The following DNMT1 variants were observed in gnomAD, a reference collection of about 807,000 sequenced individuals.
DNMT1 encodes the protein DNA methyltransferase 1, also known as DNA (cytosine-5)-methyltransferase 1.
Under a neutral mutation model 205.3 loss-of-function variants are expected in DNMT1, and 24 were observed. That is an observed-to-expected ratio of 0.12 (90% confidence interval 0.08 to 0.16). The LOEUF (loss-of-function observed/expected upper bound fraction) is 0.16, where lower values mean the gene tolerates loss of function less well. Ranked by LOEUF, DNMT1 falls within the 10% of genes least tolerant of loss-of-function variation. DNMT1 has a pLI of 1.00. For missense variants in DNMT1, 1,293 were observed against 2,177.7 expected, an observed-to-expected ratio of 0.59 and a Z score of 8.09; for synonymous variants, 817 against 839.8, an observed-to-expected ratio of 0.97 and a Z score of 0.47.
chr19:10,194,150 C>T (rs1056295955), intron 1 of DNMT1, among the ~76,000 whole-genome samples: 11 of 152,230 alleles, frequency 7.2e-5, no homozygotes, highest in Non-Finnish European at 1.2e-4. Flanking sequence ...GCTTCCCGGG[C>T]CCTGCGCTGC....
In DNMT1 at chr19:10,146,959, C is replaced by T. The variant is rs761026703; in HGVS notation, c.2721-435G>A. Among the ~76,000 whole-genome samples, 8 of 152,116 alleles carry T rather than the reference C, an allele frequency of 5.3e-5. No individual in the cohort carries two copies. Among genetic ancestry groups the T allele is most frequent in the Admixed American group, 1.3e-4 (2 of 15,256 alleles). On this transcript the variant is annotated intron_variant, in intron 27 of 40. Transcript: ENST00000359526. The surrounding 1 kb of genome is among the most constrained non-coding windows in gnomAD (Gnocchi z 4.4). ...CCCTTAAAGGAGACTTGAAGATGGCCTTAAAAATAGAGATCAAGGCCCAGC... is the reference window on the plus strand; with the variant it reads ...CCCTTAAAGGAGACTTGAAGATGGCTTTAAAAATAGAGATCAAGGCCCAGC...
In DNMT1 at chr19:10,137,292, T is replaced by G. The variant is rs1568220103; in HGVS notation, c.4294-12A>C. The stretch of plus-strand genomic sequence containing the variant: ...AATGCACTCATGTCCTGAAAGAGTG[T>G]GGGGGGCCCAGCTGTCACCTCATGT... On this transcript the variant is annotated splice_polypyrimidine_tract_variant and intron_variant, in intron 36 of 40. Coordinates refer to ENST00000359526, the MANE Select transcript of DNMT1 (RefSeq NM_001130823.3). The surrounding 1 kb of genome is among the most constrained non-coding windows in gnomAD (Gnocchi z 6.4). The G allele has an allele frequency of 3.1e-6, 5 of 1,598,250 alleles. No individual in the cohort carries two copies. The highest frequency in any genetic ancestry group is 2.3e-5 in the South Asian group (2 of 88,568).
chr19:10,163,973 C>G (rs2038633625), intron 11 of DNMT1, among the ~76,000 whole-genome samples: 1 of 152,078 alleles, frequency 6.6e-6, no homozygotes, highest in Non-Finnish European at 1.5e-5. Flanking sequence ...CAAGCTCCTC[C>G]CCAGGTTCAG....
Position 10,155,061 on chromosome 19 carries a change from G to A in DNMT1, c.1493-5C>T, listed in dbSNP as rs749962431. ...TCAGAATGTATTCGGCAAATGCTGGGGTGAACAGAGGAGGTGTGGAAAAGG... is the reference window on the plus strand; with the variant it reads ...TCAGAATGTATTCGGCAAATGCTGGAGTGAACAGAGGAGGTGTGGAAAAGG... On this transcript the variant is annotated splice_region_variant and splice_polypyrimidine_tract_variant and intron_variant, in intron 19 of 40. Coordinates refer to ENST00000359526, the MANE Select transcript of DNMT1 (RefSeq NM_001130823.3). 26 of 1,613,926 alleles carry A rather than the reference G, an allele frequency of 1.6e-5. No individual in the cohort carries two copies. Among genetic ancestry groups the A allele is most frequent in the Admixed American group, 1.7e-5 (1 of 60,004 alleles).
rs963644813 is a variant in DNMT1 at position 10,141,705 on chromosome 19, G to A, written c.3309+323C>T. The A allele has an allele frequency of 3.7e-5, 14 of 375,920 alleles. No individual in the cohort carries two copies. The South Asian group carries it at 4.2e-4, about 11-fold the overall frequency. 23.3% of individuals were successfully genotyped at this position (375,920 alleles called of 1,614,324 possible). A position where few individuals can be genotyped will look rare whatever the true frequency, so the allele number is the denominator to read the frequency against. On this transcript the variant is annotated intron_variant, in intron 30 of 40. Transcript: ENST00000359526. ...TTCTCCAACTCATACTAAGACACCA[G>A]TCAGGCTGGTGGAAGCTGCCTCATG...
At position 10,149,638 on chromosome 19, in the gene DNMT1, C is replaced by G. The variant is rs1244845928; in HGVS notation, c.2401G>C (p.Asp801His). 1 of 1,613,788 alleles carries G rather than the reference C, an allele frequency of 6.2e-7. No homozygotes were observed. The highest frequency in any genetic ancestry group is 2.2e-5 in the East Asian group (1 of 44,872). Residue 801 changes from aspartate to histidine, a missense_variant, in exon 26 of 41, where the codon GAC (aspartate) becomes CAC (histidine). By Grantham distance (81) the Asp-to-His change is moderately conservative (BLOSUM62 -1). Transcript: ENST00000359526. ...YLARVTALWE[D>H]SSNGQMFHAH... ...TGAAACATCTGCCCGTTGCTGCTGT[C>G]CTCCCACAGCGCCGTGACCCTGGAA...
Position 10,151,217 on chromosome 19 carries a change from T to C in DNMT1, c.2265+181A>G, listed in dbSNP as rs776382821. ...GCCTTGTGGCCACACAAAAATGCCT[T>C]GCTGGTACTGAGCCATGGAACATGG... On this transcript the variant is annotated intron_variant, in intron 24 of 40. Coordinates refer to ENST00000359526, the MANE Select transcript of DNMT1 (RefSeq NM_001130823.3). The surrounding 1 kb of genome is among the most constrained non-coding windows in gnomAD (Gnocchi z 5.0). Among the ~76,000 whole-genome samples the C allele has an allele frequency of 1.3e-5, 2 of 152,180 alleles. No individual in the cohort carries two copies. Among genetic ancestry groups the C allele is most frequent in the Non-Finnish European group, 2.9e-5 (2 of 68,030 alleles).
At chr19:10,143,621 C>T in intron 29 of DNMT1, 145 bp downstream of exon 29, 1 of 909,674 alleles carries the variant, frequency 1.1e-6, no homozygotes, top group Non-Finnish European at 1.8e-6. Flanking sequence ...TTATCAGTGC[C>T]CACCGATAAT....
chr19:10,180,407 TG>T lies in DNMT1; in HGVS notation c.387del (p.Lys130AsnfsTer31). On this transcript the variant is annotated frameshift_variant, in exon 4 of 41. Transcript: ENST00000359526. LOFTEE classifies it high-confidence loss of function. ...RVGMADANSPPKPLSKPRTPR... is the reference protein window; with the variant it reads ...RVGMADANSPXKPLSKPRTPR... ...GGCGTGCGAGGTTTGGAAAGGGGTT[TG>T]GGGGGGCTGTTGGCATCTGCCATTC... The T allele has an allele frequency of 6.2e-7, 1 of 1,613,872 alleles. No individual in the cohort carries two copies. Among genetic ancestry groups the T allele is most frequent in the Non-Finnish European group, 8.5e-7 (1 of 1,179,982 alleles).
chr19:10,174,881 C>T (rs1391051986), intron 7 of DNMT1, among the ~76,000 whole-genome samples: 6 of 151,534 alleles, frequency 4.0e-5, no homozygotes, highest in African/African-American at 1.5e-4. Context: ...CATGGTGAAA[C>T]CCCATCCCTA....
rs978575291 is a variant in DNMT1, at chr19:10,177,349, G to C, written c.512C>G (p.Pro171Arg). 3.1e-6 allele frequency: 5 copies of C among 1,613,776 alleles called. No individual in the cohort carries two copies. The highest frequency in any genetic ancestry group is 3.4e-6 in the Non-Finnish European group (4 of 1,179,972). ...TGIRAEPSPS[P>R]RITRKSTRQT... ...CCTGGTGCTTTTCCTTGTAATCCTG[G>C]GGCTAGGTGAAGGTTCAGCTGTTTA... is the stretch of plus-strand genomic sequence containing the variant. The change falls in exon 6 of 41, where the codon CCC (proline) becomes CGC (arginine). Residue 171 changes from proline to arginine, a missense_variant. By Grantham distance (103) the Pro-to-Arg change is moderately radical. Around this residue, in one of 13 missense-constraint regions of DNMT1, gnomAD observed 394 missense variants for 451.6 expected, o/e 0.87. Transcript: ENST00000359526.
chr19:10,194,590 C>G (rs2039367572), intron 1 of DNMT1: 1 of 513,558 alleles, frequency 1.9e-6, no homozygotes. Context: ...TAGTTTCTAG[C>G]CACCAGGGAG....
At chr19:10,145,828 T>C (rs2038186898) in intron 28 of DNMT1, among the ~76,000 whole-genome samples, 2 of 152,058 alleles carry the variant, frequency 1.3e-5, no homozygotes, top group African/African-American at 4.8e-5. Context: ...TAAGTTCTTT[T>C]TTTTTCTTTT....
At chr19:10,193,315 G>A (rs1026656849) in intron 1 of DNMT1, among the ~76,000 whole-genome samples, 1 of 151,962 alleles carries the variant, frequency 6.6e-6, no homozygotes, top group African/African-American at 2.4e-5. Flanking sequence ...ATTGTGCCAG[G>A]GCACTCCAGC....
At chr19:10,169,439 C>G (rs958682314) in intron 9 of DNMT1, among the ~76,000 whole-genome samples, 3 of 150,822 alleles carry the variant, frequency 2.0e-5, no homozygotes, top group African/African-American at 7.3e-5. Context: ...CGCCTGCAGT[C>G]CCAGCTACTG....
At chr19:10,183,319 T>C (rs935344765) in intron 1 of DNMT1, among the ~76,000 whole-genome samples, 2 of 151,658 alleles carry the variant, frequency 1.3e-5, no homozygotes, top group African/African-American at 4.8e-5. Context: ...TTCTCCGTGT[T>C]GGTCAGGCTG....
intron 28 of DNMT1, 191 bp from the exon 29 acceptor site, chr19:10,144,178 G>A (rs2089655189): frequency 4.7e-6 from 3 of 644,274 alleles, no homozygotes; most frequent in East Asian, 2.9e-5. Context: ...GGGAGACCAA[G>A]GCAGGTGGAC....
intron 27 of DNMT1, among the ~76,000 whole-genome samples, chr19:10,148,300 TC>T (rs1359748350): frequency 1.3e-5 from 2 of 150,466 alleles, no homozygotes; most frequent in Admixed American, 6.6e-5. Flanking sequence ...ATCGAGACCA[TC>T]CTGGCTAACA....
At chr19:10,139,862 A>C in intron 33 of DNMT1, 45 bp from the exon 34 acceptor site, 1 of 1,559,194 alleles carries the variant, frequency 6.4e-7, no homozygotes, top group Non-Finnish European at 8.7e-7. Context: ...CCACAGACAG[A>C]GGGAAGAAAC....
Sources: gnomAD v4.1 joint callset for allele counts (sites outside exome capture counted in the v4.1 genomes callset) on GRCh38, gnomAD v4.1.1 for gene constraint, gnomAD v4.1.1 regional missense constraint, Gnocchi (gnomAD v3.1) non-coding constraint, MANE v1.5 for transcripts, NCBI Gene and HGNC (gene_info 2026-07-23, HGNC 2026-07-21) for gene names.